Variants in AKAP10 observed in about 807,000 individuals in gnomAD.
AKAP10 encodes A-kinase anchoring protein 10.
Under a neutral mutation model 80.8 loss-of-function variants are expected in AKAP10, and 24 were observed. That is an observed-to-expected ratio of 0.30 (90% CI 0.22 to 0.42). AKAP10 has a LOEUF of 0.42. Ranked by LOEUF, AKAP10 falls within the 10% of genes least tolerant of loss-of-function variation. The pLI, the probability that AKAP10 is intolerant of heterozygous loss-of-function variation, is 1.00. For synonymous variants in AKAP10, 291 were observed against 277.7 expected, an observed-to-expected ratio of 1.05 and a Z score of -0.48; for missense variants, 661 against 794.9, an observed-to-expected ratio of 0.83 and a Z score of 2.03.
intron 12 of AKAP10, among the ~76,000 whole-genome samples, chr17:19,917,355 A>C (rs1298363302): frequency 6.6e-6 from 1 of 152,198 alleles, no homozygotes; most frequent in Non-Finnish European, 1.5e-5. Context: ...CCTTATGGAC[A>C]GAAGCTACCT....
chr17:19,928,727 G>A (rs1008167989), intron 10 of AKAP10, among the ~76,000 whole-genome samples: 1 of 151,966 alleles, frequency 6.6e-6, no homozygotes, highest in Non-Finnish European at 1.5e-5. Context: ...AAAATTAGCT[G>A]GGCGTGGTGG....
chr17:19,955,228 A>G (rs2043261324), intron 4 of AKAP10, among the ~76,000 whole-genome samples: 1 of 152,132 alleles, frequency 6.6e-6, no homozygotes, highest in Non-Finnish European at 1.5e-5. Context: ...TCTCAAAAAA[A>G]AAAATAAGAA....
intron 4 of AKAP10, among the ~76,000 whole-genome samples, chr17:19,956,246 T>C (rs182400156): frequency 6.6e-6 from 1 of 152,278 alleles, no homozygotes; most frequent in East Asian, 1.9e-4. Flanking sequence ...CCCAGGTGCA[T>C]GGCAAAAGAA....
rs1567772785 is a variant in AKAP10 at position 19,958,214 on chromosome 17, T to C, written c.677A>G (p.Asn226Ser). 2 of 1,614,186 alleles carry C rather than the reference T, an allele frequency of 1.2e-6. No individual in the cohort carries two copies. The highest frequency in any genetic ancestry group is 1.7e-5 in the Admixed American group (1 of 60,014). The part of the protein sequence containing the change: ...FMTHSEGIDL[N>S]NRTNSTQNHL... ...ATTCTGAGTGCTGTTAGTTCTATTA[T>C]TCAGGTCAATTCCTTCTGAATGAGT... Residue 226 changes from asparagine (N) to serine (S), a missense_variant, in exon 4 of 15, where the codon AAT (asparagine) becomes AGT (serine). Coordinates refer to ENST00000225737, the MANE Select transcript of AKAP10 (RefSeq NM_007202.4).
chr17:19,969,154 G>A (rs1481385079), intron 1 of AKAP10, among the ~76,000 whole-genome samples: 1 of 152,130 alleles, frequency 6.6e-6, no homozygotes, highest in Non-Finnish European at 1.5e-5. Context: ...GACCAGCCTG[G>A]CCAACATGGT....
rs779943356 is a variant in AKAP10 at position 19,931,386 on chromosome 17, TTCTC to T, written c.1641+415_1641+418del. On this transcript the variant is annotated intron_variant, in intron 10 of 14. Coordinates refer to ENST00000225737, the MANE Select transcript of AKAP10 (RefSeq NM_007202.4). ...AAGATAGTAAGTAGGCTAATTTTATTTCTCTCTTTTTTTTTTTTTTTTGAGACAC... is the reference window on the plus strand; with the variant it reads ...AAGATAGTAAGTAGGCTAATTTTATTTCTTTTTTTTTTTTTTTTGAGACAC... 2.7e-3 allele frequency among the ~76,000 whole-genome samples: 408 copies of T among 151,120 alleles called. 4 individuals are homozygous for T. Among genetic ancestry groups the T allele is most frequent in the Admixed American group, 0.025 (377 of 15,164 alleles).
At position 19,907,175 on chromosome 17, in the gene AKAP10, C is replaced by T. The variant is rs572797644; in HGVS notation, c.1984-943G>A. On this transcript the variant is annotated intron_variant, in intron 14 of 14. Coordinates refer to ENST00000225737, the MANE Select transcript of AKAP10 (RefSeq NM_007202.4). ...TGGGATTACAGGCAATGCGCCACCACGCCCAGCTAATTTTGTATTTTTAGT... is the reference window on the plus strand; with the variant it reads ...TGGGATTACAGGCAATGCGCCACCATGCCCAGCTAATTTTGTATTTTTAGT... Among the ~76,000 whole-genome samples, 246 of 151,648 alleles carry T rather than the reference C, an allele frequency of 1.6e-3. 1 individual carries two copies. The highest frequency in any genetic ancestry group is 2.9e-3 in the Non-Finnish European group (195 of 67,910).
intron 4 of AKAP10, among the ~76,000 whole-genome samples, chr17:19,951,336 G>C (rs1296015839): frequency 1.3e-5 from 2 of 152,168 alleles, no homozygotes; most frequent in Non-Finnish European, 2.9e-5. Flanking sequence ...CCTCTGCCCG[G>C]CTGCCCCATC....
chr17:19,929,654 T>C (rs2042911538), intron 10 of AKAP10: 1 of 152,132 alleles, frequency 6.6e-6, no homozygotes, highest in South Asian at 2.1e-4. Flanking sequence ...TTATGGTTAG[T>C]ACCTAGGCCT....
At chr17:19,977,523 G>T (rs1205967237) in intron 1 of AKAP10, 69 bp downstream of exon 1, 3 of 1,168,376 alleles carry the variant, frequency 2.6e-6, no homozygotes, top group African/African-American at 1.6e-5. Flanking sequence ...GAAAGCCCTC[G>T]CAGGCCCACC....
chr17:19,934,224 G>A (rs1449407525), intron 9 of AKAP10, among the ~76,000 whole-genome samples: 1 of 152,048 alleles, frequency 6.6e-6, no homozygotes, highest in Non-Finnish European at 1.5e-5. Context: ...CCTAGCCAAC[G>A]CTTTATTATT....
chr17:19,964,779 G>A (rs1171000678), intron 2 of AKAP10, among the ~76,000 whole-genome samples: 1 of 152,206 alleles, frequency 6.6e-6, no homozygotes, highest in Non-Finnish European at 1.5e-5. Flanking sequence ...TGTAATCCCA[G>A]CTACTTGGGA....
At chr17:19,950,953 C>T (rs1479252358) in intron 4 of AKAP10, among the ~76,000 whole-genome samples, 4 of 151,528 alleles carry the variant, frequency 2.6e-5, no homozygotes, top group East Asian at 1.9e-4. Context: ...CGCCTCTGCC[C>T]GGCCGCGACC....
intron 9 of AKAP10, 141 bp from the exon 10 acceptor site, chr17:19,932,119 A>G (rs984937885): frequency 3.7e-6 from 3 of 801,910 alleles, no homozygotes; most frequent in Non-Finnish European, 5.7e-6. Flanking sequence ...TTGTTGTACT[A>G]CAAGTATTAT....
rs1414379171 is a variant in AKAP10, at chr17:19,905,281, C to G, written c.*946G>C. ...CAACTGCACACTTTCCAGCTCACAG[C>G]AAAGAATGGGGGAGGCAGTCAAAGT... On this transcript the variant is annotated 3_prime_UTR_variant, in exon 15 of 15. Coordinates refer to ENST00000225737, the MANE Select transcript of AKAP10 (RefSeq NM_007202.4). 6.6e-6 allele frequency: 1 copy of G among 151,476 alleles called. No individual in the cohort carries two copies. The highest frequency in any genetic ancestry group is 1.9e-4 in the East Asian group (1 of 5,178). 9.4% of individuals were successfully genotyped at this position (151,476 alleles called of 1,614,324 possible).
intron 4 of AKAP10, among the ~76,000 whole-genome samples, chr17:19,954,379 C>T (rs1240018955): frequency 6.6e-6 from 1 of 151,848 alleles, no homozygotes. Context: ...ACTAGACATC[C>T]ATATGTAAAA....
chr17:19,925,455 T>C (rs557432385), intron 10 of AKAP10, among the ~76,000 whole-genome samples: 3 of 152,280 alleles, frequency 2.0e-5, no homozygotes, highest in East Asian at 1.9e-4. Context: ...TTCTACCTCC[T>C]ACTCCCCACC....
chr17:19,956,565 T>C (rs1425487928), intron 4 of AKAP10, among the ~76,000 whole-genome samples: 1 of 152,208 alleles, frequency 6.6e-6, no homozygotes, highest in Non-Finnish European at 1.5e-5. Flanking sequence ...ATAACTTTTT[T>C]TCTTTGTTTG....
Position 19,970,582 on chromosome 17 carries a change from G to A in AKAP10, c.89-2121C>T, listed in dbSNP as rs139965632. On this transcript the variant is annotated intron_variant, in intron 1 of 14. Transcript: ENST00000225737. ...TCACACCTGTAATCCCAGGACTTTG[G>A]GAGGCCAAGGCGGGTGGCTCACTTA... 4.1e-3 allele frequency among the ~76,000 whole-genome samples: 624 copies of A among 152,220 alleles called. 5 individuals are homozygous for A. Among genetic ancestry groups the A allele is most frequent in the African/African-American group, 0.015 (606 of 41,526 alleles).
Sources: allele counts gnomAD v4.1 joint callset (sites outside exome capture counted in the v4.1 genomes callset), GRCh38; gene constraint gnomAD v4.1.1; transcripts MANE v1.5; gene names NCBI Gene and HGNC (gene_info 2026-07-23, HGNC 2026-07-21).